The following WDR72 variants were observed in gnomAD, a reference collection of about 807,000 sequenced individuals.
The protein encoded by WDR72 is WD repeat-containing protein 72.
A neutral mutation model predicts 124.2 loss-of-function variants in WDR72; 120 were observed. That is an observed-to-expected ratio of 0.97 (90% CI 0.83 to 1.12). WDR72 has a LOEUF of 1.12. WDR72 is among the 50% of genes most tolerant of loss of function. The pLI, the probability that WDR72 is intolerant of heterozygous loss-of-function variation, is 0.00. For missense variants in WDR72, 1,387 were observed against 1,278.8 expected, an observed-to-expected ratio of 1.08 and a Z score of -1.29; for synonymous variants, 452 against 441.7, an observed-to-expected ratio of 1.02 and a Z score of -0.29.
At chr15:53,545,290 G>T (rs1461290485) in intron 18 of WDR72, among the ~76,000 whole-genome samples, 1 of 151,494 alleles carries the variant, frequency 6.6e-6, no homozygotes, top group African/African-American at 2.4e-5. Flanking sequence ...AACCAAAACA[G>T]CATGGTACTG....
At chr15:53,571,283 TAAAAACAA>T (rs1894517204) in intron 18 of WDR72, among the ~76,000 whole-genome samples, 1 of 151,890 alleles carries the variant, frequency 6.6e-6, no homozygotes, top group African/African-American at 2.4e-5. Context: ...CTGCAGAATT[TAAAAACAA>T]AAAAACAAAC....
intron 1 of WDR72, among the ~76,000 whole-genome samples, chr15:53,735,289 GA>G (rs1278853223): frequency 8.6e-5 from 13 of 151,346 alleles, no homozygotes; most frequent in South Asian, 2.1e-4. Flanking sequence ...AGACAGGGGG[GA>G]AAAAAAAGAC....
intron 18 of WDR72, among the ~76,000 whole-genome samples, chr15:53,542,502 A>G (rs1893197060): frequency 2.7e-5 from 1 of 36,432 alleles, no homozygotes; most frequent in South Asian, 1.4e-3. Context: ...AGCGCTAAAC[A>G]TGGAAAGGAA....
chr15:53,706,306 A>C, intron 9 of WDR72, among the ~76,000 whole-genome samples: 1 of 144,118 alleles, frequency 6.9e-6, no homozygotes, highest in Non-Finnish European at 1.5e-5. Flanking sequence ...AAAGTATCTA[A>C]CATTTACTGA....
Position 53,672,588 on chromosome 15 carries a change from A to G in WDR72, c.1766-6820T>C, listed in dbSNP as rs2016034340. ...ATCTTGCAATATCAGGCTGTCTTAA[A>G]GCATGACATGTAGTGTGAAGGATGC... On this transcript the variant is annotated intron_variant, in intron 13 of 19. Coordinates refer to ENST00000360509, the MANE Select transcript of WDR72 (RefSeq NM_182758.4). Among the ~76,000 whole-genome samples, 3 of 152,190 alleles carry G rather than the reference A, an allele frequency of 2.0e-5. No homozygotes were observed. In the South Asian group the frequency reaches 6.2e-4, roughly 32 times the overall value.
At chr15:53,668,706 C>A (rs1386955240) in intron 13 of WDR72, among the ~76,000 whole-genome samples, 1 of 151,764 alleles carries the variant, frequency 6.6e-6, no homozygotes, top group Non-Finnish European at 1.5e-5. Context: ...GAGTTCAAGA[C>A]CAGCCTGGGC....
At chr15:53,584,379 C>T (rs1315507193) in intron 18 of WDR72, among the ~76,000 whole-genome samples, 1 of 151,854 alleles carries the variant, frequency 6.6e-6, no homozygotes, top group Admixed American at 6.6e-5. Flanking sequence ...GTTGTTTGGT[C>T]TAAAAGCAAG....
At chr15:53,676,774 T>C (rs1353117039) in intron 13 of WDR72, among the ~76,000 whole-genome samples, 2 of 152,162 alleles carry the variant, frequency 1.3e-5, no homozygotes, top group Non-Finnish European at 2.9e-5. Context: ...TAAATAGGTG[T>C]TGTTTTGAGC....
intron 14 of WDR72, among the ~76,000 whole-genome samples, chr15:53,640,998 T>C (rs1253972335): frequency 1.3e-5 from 2 of 152,080 alleles, no homozygotes; most frequent in East Asian, 3.9e-4. Flanking sequence ...AGTAAAAATA[T>C]TCATTTTTTT....
intron 14 of WDR72, among the ~76,000 whole-genome samples, chr15:53,629,034 C>G (rs1398481964): frequency 2.6e-5 from 4 of 151,992 alleles, no homozygotes; most frequent in Admixed American, 2.6e-4. Context: ...CCTAATCTAA[C>G]TTTTAACTCA....
At chr15:53,669,317 C>T (rs1048017853) in intron 13 of WDR72, among the ~76,000 whole-genome samples, 5 of 152,140 alleles carry the variant, frequency 3.3e-5, no homozygotes, top group African/African-American at 7.2e-5. Context: ...ACCATAGCAG[C>T]TTCTTTGCCA....
At chr15:53,667,559 G>T (rs1047071316) in intron 13 of WDR72, among the ~76,000 whole-genome samples, 1 of 152,100 alleles carries the variant, frequency 6.6e-6, no homozygotes, top group African/African-American at 2.4e-5. Context: ...AATAGGAAAA[G>T]CTTCACAAAC....
intron 9 of WDR72, among the ~76,000 whole-genome samples, chr15:53,707,120 C>T (rs891051114): frequency 5.3e-5 from 8 of 152,084 alleles, no homozygotes; most frequent in Admixed American, 5.2e-4. Context: ...AAAAAGAAAG[C>T]CAACTGCTGG....
At chr15:53,699,288 T>C (rs940227865) in intron 13 of WDR72, among the ~76,000 whole-genome samples, 70 of 152,196 alleles carry the variant, frequency 4.6e-4, no homozygotes, top group African/African-American at 1.6e-3. Context: ...AAAAGTTCAA[T>C]TGAGCCACTC....
chr15:53,515,971 C>T lies in WDR72; in HGVS notation c.*1728G>A, dbSNP rs1891439691. 6.6e-6 allele frequency: 1 copy of T among 152,006 alleles called. No homozygotes were observed. Among genetic ancestry groups the T allele is most frequent in the Admixed American group, 6.6e-5 (1 of 15,248 alleles). The allele number at this position is 152,006 out of a possible 1,614,324, so 9.4% of individuals were successfully genotyped here. On this transcript the variant is annotated 3_prime_UTR_variant, in exon 20 of 20. Transcript: ENST00000360509. ...TTTGATATTGCCATCCTTCAAAATG[C>T]TTTTGGGAGTCCTTATAATGTCCTT...
chr15:53,706,358 A>ATATATATATATATGTGTGTG (rs1567040140), intron 9 of WDR72, among the ~76,000 whole-genome samples: 3 of 39,844 alleles, frequency 7.5e-5, no homozygotes, highest in Admixed American at 2.6e-4. Context: ...GTGTATATAT[A>ATATATATATATATGTGTGTG]TATATATATA....
intron 18 of WDR72, among the ~76,000 whole-genome samples, chr15:53,549,789 T>A (rs1006324404): frequency 6.6e-6 from 1 of 152,206 alleles, no homozygotes; most frequent in African/African-American, 2.4e-5. Flanking sequence ...GCTTTGGTTT[T>A]ACAATAGATC....
rs747583816 is a variant in WDR72 at position 53,712,820 on chromosome 15, G to A, written c.663C>T (p.Cys221=). 2.5e-6 allele frequency: 4 copies of A among 1,613,600 alleles called. No individual in the cohort carries two copies. The highest frequency in any genetic ancestry group is 3.4e-6 in the Non-Finnish European group (4 of 1,179,712). Reference sequence around the variant, plus strand: ...CCAATAGAAGTCTCTCAGTATATGTGCAAAATCGAATTGTCTGGCAGTTCA... The same window carrying A: ...CCAATAGAAGTCTCTCAGTATATGTACAAAATCGAATTGTCTGGCAGTTCA... ...ESLNCQTIRF[C]TYTERLLLVV... is the part of the protein sequence containing the mutation. Residue 221 remains cysteine, a synonymous_variant, in exon 7 of 20, where the codon TGC becomes TGT. Coordinates refer to ENST00000360509, the MANE Select transcript of WDR72 (RefSeq NM_182758.4).
chr15:53,670,338 C>A (rs1158588135), intron 13 of WDR72, among the ~76,000 whole-genome samples: 3 of 152,166 alleles, frequency 2.0e-5, no homozygotes, highest in Non-Finnish European at 4.4e-5. Flanking sequence ...AGTCAGCACA[C>A]AGAAATATAA....
Sources: gnomAD v4.1 joint callset for allele counts (sites outside exome capture counted in the v4.1 genomes callset) on GRCh38, gnomAD v4.1.1 for gene constraint, MANE v1.5 for transcripts, NCBI Gene and HGNC (gene_info 2026-07-23, HGNC 2026-07-21) for gene names.